CATSPERE: variants seen among roughly 807,000 people sequenced by gnomAD.
CATSPERE encodes the protein cation channel sperm-associated auxiliary subunit epsilon.
Under a neutral mutation model 114.1 loss-of-function variants are expected in CATSPERE, and 93 were observed. The ratio of observed to expected loss-of-function variants is 0.81; its 90% CI spans 0.69 to 0.97. CATSPERE has a LOEUF of 0.97. Among genes scored for constraint, CATSPERE ranks in the 50% least tolerant of loss-of-function variants. The pLI, the probability that CATSPERE is intolerant of heterozygous loss-of-function variation, is 0.00. For missense variants in CATSPERE, 1,058 were observed against 1,131.6 expected (o/e 0.93, Z 0.93); for synonymous variants, 341 against 384.1 (o/e 0.89, Z 1.31).
At chr1:244,479,073 G>A (rs935155398) in intron 4 of CATSPERE, among the ~76,000 whole-genome samples, 26 of 150,078 alleles carry the variant, frequency 1.7e-4, no homozygotes, top group African/African-American at 5.6e-4. Context: ...GGAAGTAAGG[G>A]ACTCCCTTTC....
intron 8 of CATSPERE, among the ~76,000 whole-genome samples, chr1:244,545,602 T>C (rs3003236): frequency 0.87 from 132,316 of 152,158 alleles, 58,517 homozygotes; most frequent in East Asian, 1. Context: ...TGGATAACTA[T>C]TCTCCTTTTA....
chr1:244,628,267 T>C (rs1673462003), intron 20 of CATSPERE, among the ~76,000 whole-genome samples: 1 of 152,196 alleles, frequency 6.6e-6, no homozygotes, highest in Admixed American at 6.5e-5. Flanking sequence ...GTGGGGGTCT[T>C]GGAACTATCC....
intron 8 of CATSPERE, among the ~76,000 whole-genome samples, chr1:244,537,939 G>A (rs1025956612): frequency 2.0e-5 from 3 of 152,136 alleles, no homozygotes; most frequent in Non-Finnish European, 4.4e-5. Context: ...ATGATAGAGA[G>A]GTGTTGAAGT....
intron 2 of CATSPERE, among the ~76,000 whole-genome samples, chr1:244,474,069 T>C (rs553413451): frequency 5.3e-5 from 8 of 152,176 alleles, no homozygotes; most frequent in African/African-American, 1.9e-4. Context: ...TCCCGCCCTG[T>C]CACCCAGACT....
At chr1:244,625,423 TATATATA>T (rs1573075837) in intron 20 of CATSPERE, among the ~76,000 whole-genome samples, 1 of 36,712 alleles carries the variant, frequency 2.7e-5, no homozygotes, top group East Asian at 7.7e-4. Context: ...TATATATATA[TATATATA>T]TATTTTTTTT....
At position 244,498,998 on chromosome 1, in the gene CATSPERE, C is replaced by G; in HGVS notation, c.352-4C>G. Reference sequence around the variant, plus strand: ...AAGAAATGCAAACAAATTTTATTTTCTAGCTTATCACTGTGTGGGCATATG... The same window carrying G: ...AAGAAATGCAAACAAATTTTATTTTGTAGCTTATCACTGTGTGGGCATATG... On this transcript the variant is annotated splice_polypyrimidine_tract_variant and splice_region_variant and intron_variant, in intron 6 of 21. Transcript: ENST00000366534. The G allele has an allele frequency of 6.2e-7, 1 of 1,607,060 alleles. No individual in the cohort carries two copies. Among genetic ancestry groups the G allele is most frequent in the African/African-American group, 1.3e-5 (1 of 74,886 alleles).
At chr1:244,557,531 TCA>T (rs1491481232) in intron 9 of CATSPERE, among the ~76,000 whole-genome samples, 1 of 28,854 alleles carries the variant, frequency 3.5e-5, no homozygotes, top group Non-Finnish European at 9.1e-5. Context: ...TTTGAAATAT[TCA>T]TATATATATA....
intron 10 of CATSPERE, among the ~76,000 whole-genome samples, chr1:244,566,487 G>T (rs920673778): frequency 2.0e-5 from 3 of 151,224 alleles, no homozygotes; most frequent in Admixed American, 6.6e-5. Flanking sequence ...CTAAGAACTT[G>T]CTTTATGAAT....
chr1:244,610,294 C>G lies in CATSPERE; in HGVS notation c.2458C>G (p.His820Asp). ...TWKSMIELNKHLPLEEVWGPE... is the reference protein window; with the variant it reads ...TWKSMIELNKDLPLEEVWGPE... The stretch of plus-strand genomic sequence containing the variant: ...GAAGTCAATGATTGAACTTAACAAG[C>G]ACCTCCCACTAGAAGAAGTCTGGGG... The change falls in exon 19 of 22, where the codon CAC becomes GAC. Residue 820 changes from histidine (H) to aspartate (D), a missense_variant. Coordinates refer to ENST00000366534, the MANE Select transcript of CATSPERE (RefSeq NM_001130957.2). 6.2e-7 allele frequency: 1 copy of G among 1,613,076 alleles called. No homozygotes were observed.
At chr1:244,637,235 A>G (rs966389649) in intron 21 of CATSPERE, among the ~76,000 whole-genome samples, 1 of 152,144 alleles carries the variant, frequency 6.6e-6, no homozygotes, top group African/African-American at 2.4e-5. Context: ...CGTCCGCTGC[A>G]GCCCCAGCTG....
chr1:244,560,230 A>T (rs1662338203), intron 9 of CATSPERE, among the ~76,000 whole-genome samples: 1 of 152,140 alleles, frequency 6.6e-6, no homozygotes, highest in Non-Finnish European at 1.5e-5. Context: ...ACTTCAAGTG[A>T]TTCTCCTGCC....
intron 17 of CATSPERE, among the ~76,000 whole-genome samples, chr1:244,596,010 C>A (rs1668370452): frequency 6.6e-6 from 1 of 152,158 alleles, no homozygotes; most frequent in Admixed American, 6.5e-5. Context: ...AGAAACAAAT[C>A]TAAGTAGGGA....
At chr1:244,501,890 A>G (rs1674088676) in intron 7 of CATSPERE, among the ~76,000 whole-genome samples, 1 of 152,150 alleles carries the variant, frequency 6.6e-6, no homozygotes, top group Non-Finnish European at 1.5e-5. Flanking sequence ...CTCTCTACAC[A>G]TCTTGCCTCC....
chr1:244,498,965 A>G (rs769236618), intron 6 of CATSPERE, 37 bp from the exon 7 acceptor site: 4 of 1,491,492 alleles, frequency 2.7e-6, no homozygotes, highest in Non-Finnish European at 3.7e-6. Context: ...AAATTTGTAC[A>G]AAATGTAAAG....
intron 6 of CATSPERE, among the ~76,000 whole-genome samples, chr1:244,497,473 CAAAAT>C (rs1373675217): frequency 6.6e-6 from 1 of 152,098 alleles, no homozygotes; most frequent in African/African-American, 2.4e-5. Context: ...CAAACTTTCT[CAAAAT>C]AAGAGAAATG....
chr1:244,554,893 T>A (rs972548172), intron 9 of CATSPERE, among the ~76,000 whole-genome samples: 5 of 152,012 alleles, frequency 3.3e-5, no homozygotes, highest in African/African-American at 4.8e-5. Flanking sequence ...TCAAAAAAAA[T>A]TCTAGCAAAC....
At chr1:244,558,910 C>G (rs1662116339) in intron 9 of CATSPERE, among the ~76,000 whole-genome samples, 1 of 152,210 alleles carries the variant, frequency 6.6e-6, no homozygotes, top group Non-Finnish European at 1.5e-5. Flanking sequence ...CACTCCTAGT[C>G]ACAGAGCTGA....
intron 20 of CATSPERE, among the ~76,000 whole-genome samples, chr1:244,624,675 G>A (rs1452352441): frequency 8.5e-5 from 13 of 152,064 alleles, no homozygotes; most frequent in African/African-American, 2.4e-4. Context: ...GGTGATGGGC[G>A]CCTGTAGTCC....
chr1:244,463,888 C>T lies in CATSPERE; in HGVS notation c.66-20C>T. ...GAATAAATTAGTTTTAATATTTATA[C>T]TTGGCCTCTTCCTCCACAGGTATTC... On this transcript the variant is annotated intron_variant, in intron 1 of 21. Transcript: ENST00000366534. 1 of 1,572,532 alleles carries T rather than the reference C, an allele frequency of 6.4e-7. No individual in the cohort carries two copies. The highest frequency in any genetic ancestry group is 8.8e-7 in the Non-Finnish European group (1 of 1,142,536).
Sources: gnomAD v4.1 joint callset for allele counts (sites outside exome capture counted in the v4.1 genomes callset) on GRCh38, gnomAD v4.1.1 for gene constraint, MANE v1.5 for transcripts, NCBI Gene and HGNC (gene_info 2026-07-23, HGNC 2026-07-21) for gene names.